The following XRN2 variants were observed in gnomAD, a reference collection of about 807,000 sequenced individuals.
The protein encoded by XRN2 is DHM1-like protein.
XRN2 carries 44 observed loss-of-function variants against 138.5 expected under a neutral mutation model. That is an observed-to-expected ratio of 0.32 (90% CI 0.25 to 0.41). The LOEUF (loss-of-function observed/expected upper bound fraction) is 0.41. XRN2 is among the 10% of genes least tolerant of loss of function. The probability of loss-of-function intolerance (pLI) is 1.00; values close to 1 mark genes in which losing one functional copy is unlikely to be tolerated. For missense variants in XRN2, 937 were observed against 1,169.3 expected, an observed-to-expected ratio of 0.80 and a Z score of 2.90; for synonymous variants, 354 against 369.4, an observed-to-expected ratio of 0.96 and a Z score of 0.48.
intron 1 of XRN2, among the ~76,000 whole-genome samples, chr20:21,311,797 GGACAACATGGT>G (rs1169448600): frequency 6.6e-6 from 1 of 152,014 alleles, no homozygotes; most frequent in African/African-American, 2.4e-5. Flanking sequence ...AGAGCAGCCT[GGACAACATGGT>G]GAAACCTCGT....
Position 21,386,851 on chromosome 20 carries a change from C to T in XRN2, c.2649-17C>T. 1 of 1,603,736 alleles carries T rather than the reference C, an allele frequency of 6.2e-7. No homozygotes were observed. The highest frequency in any genetic ancestry group is 8.5e-7 in the Non-Finnish European group (1 of 1,171,640). Reference sequence around the variant, plus strand: ...AATAGGTGTGGCTTCTGATGTAAAACTGGTACTTTCCTACAGAGGCGTTGG... The same window carrying T: ...AATAGGTGTGGCTTCTGATGTAAAATTGGTACTTTCCTACAGAGGCGTTGG... On this transcript the variant is annotated splice_polypyrimidine_tract_variant and intron_variant, in intron 28 of 29. Coordinates refer to ENST00000377191, the MANE Select transcript of XRN2 (RefSeq NM_012255.5).
intron 27 of XRN2, among the ~76,000 whole-genome samples, chr20:21,381,430 T>C (rs1290637844): frequency 6.6e-6 from 1 of 152,222 alleles, no homozygotes; most frequent in African/African-American, 2.4e-5. Flanking sequence ...AGTTCAGCTT[T>C]GCGTTACAAG....
chr20:21,366,872 G>A (rs982518087), intron 26 of XRN2, among the ~76,000 whole-genome samples: 10 of 152,144 alleles, frequency 6.6e-5, no homozygotes, highest in Admixed American at 5.9e-4. Flanking sequence ...ATTGCTATAT[G>A]TGTTGCATGA....
chr20:21,366,287 C>T (rs1181064121), intron 26 of XRN2, among the ~76,000 whole-genome samples: 1 of 144,694 alleles, frequency 6.9e-6, no homozygotes, highest in Admixed American at 7.1e-5. Flanking sequence ...GTGGCTCGCT[C>T]CTGTAATCCC....
chr20:21,358,972 CG>C (rs1356853022), intron 24 of XRN2, among the ~76,000 whole-genome samples: 1 of 152,156 alleles, frequency 6.6e-6, no homozygotes. Flanking sequence ...ATTAATTCCA[CG>C]GTTCTCTCTT....
At chr20:21,338,276 T>C (rs560551245) in intron 13 of XRN2, among the ~76,000 whole-genome samples, 2 of 152,186 alleles carry the variant, frequency 1.3e-5, no homozygotes, top group African/African-American at 4.8e-5. Context: ...TTGGGCATGG[T>C]TATGGGAGGC....
At chr20:21,371,545 A>G (rs562635620) in intron 27 of XRN2, among the ~76,000 whole-genome samples, 1 of 152,358 alleles carries the variant, frequency 6.6e-6, no homozygotes, top group South Asian at 2.1e-4. Context: ...CCATGTATTC[A>G]GTATCAAGTC....
intron 14 of XRN2, among the ~76,000 whole-genome samples, chr20:21,340,322 T>A (rs1250338557): frequency 6.6e-6 from 1 of 152,152 alleles, no homozygotes; most frequent in African/African-American, 2.4e-5. Context: ...TTTAAAAAGT[T>A]GTATTTCCTA....
chr20:21,370,206 T>C (rs962037344), intron 27 of XRN2, among the ~76,000 whole-genome samples: 1 of 152,186 alleles, frequency 6.6e-6, no homozygotes, highest in Admixed American at 6.5e-5. Context: ...TTGTATTCCA[T>C]TGGTCTGTTA....
chr20:21,389,444 T>C lies in XRN2; in HGVS notation c.*106T>C. 1 of 1,021,556 alleles carries C rather than the reference T, an allele frequency of 9.8e-7. No individual in the cohort carries two copies. The highest frequency in any genetic ancestry group is 1.6e-5 in the South Asian group (1 of 60,934). 63.3% of individuals were successfully genotyped at this position (1,021,556 alleles called of 1,614,324 possible). On this transcript the variant is annotated 3_prime_UTR_variant, in exon 30 of 30. Transcript: ENST00000377191. ...AGTTTTTAATAAAACTACAGTACTTTGTGTATTTCTTTTAACTGTGTATAT... is the reference window on the plus strand; with the variant it reads ...AGTTTTTAATAAAACTACAGTACTTCGTGTATTTCTTTTAACTGTGTATAT...
chr20:21,311,576 T>C (rs2037881311), intron 1 of XRN2, among the ~76,000 whole-genome samples: 3 of 152,244 alleles, frequency 2.0e-5, no homozygotes, highest in African/African-American at 4.8e-5. Context: ...CTTTTGAGTA[T>C]GTACCTGTGA....
intron 19 of XRN2, 64 bp downstream of exon 19, chr20:21,348,494 T>TA: frequency 1.4e-6 from 2 of 1,451,498 alleles, no homozygotes; most frequent in South Asian, 1.2e-5. Context: ...TCATATCAGT[T>TA]ACAATTGCTT....
At position 21,333,724 on chromosome 20, in the gene XRN2, A is replaced by G. The variant is rs1192118076; in HGVS notation, c.954A>G (p.Thr318=). 1.9e-6 allele frequency: 3 copies of G among 1,614,098 alleles called. No individual in the cohort carries two copies. The highest frequency in any genetic ancestry group is 2.5e-6 in the Non-Finnish European group (3 of 1,179,996). Reference sequence around the variant, plus strand: ...TGTAGTATTTGGAAAGAGAACTCACAATGGCCAGCCTACCATTCACATTTG... The same window carrying G: ...TGTAGTATTTGGAAAGAGAACTCACGATGGCCAGCCTACCATTCACATTTG... The part of the protein sequence containing the change: ...VLREYLEREL[T]MASLPFTFDV... The change falls in exon 11 of 30, where the codon ACA becomes ACG. Residue 318 remains threonine, a synonymous_variant. Transcript: ENST00000377191.
intron 17 of XRN2, among the ~76,000 whole-genome samples, chr20:21,347,897 A>G (rs1555785816): frequency 6.6e-6 from 1 of 152,228 alleles, no homozygotes; most frequent in Non-Finnish European, 1.5e-5. Context: ...GTTTGGCAGT[A>G]ACTACTGATT....
At position 21,332,312 on chromosome 20, in the gene XRN2, C is replaced by A; in HGVS notation, c.730C>A (p.His244Asn). 1 of 1,613,296 alleles carries A rather than the reference C, an allele frequency of 6.2e-7. No homozygotes were observed. Residue 244 changes from histidine (H) to asparagine (N), a missense_variant, in exon 9 of 30, where the codon CAT becomes AAT. Coordinates refer to ENST00000377191, the MANE Select transcript of XRN2 (RefSeq NM_012255.5). ...ADLIMLGLAT[H>N]EPNFTIIREE... ...TCTCATTATGCTTGGCCTTGCCACA[C>A]ATGAACCGAACTTTACCATTATTAG...
chr20:21,377,576 T>C (rs992067203), intron 27 of XRN2, among the ~76,000 whole-genome samples: 1 of 151,902 alleles, frequency 6.6e-6, no homozygotes, highest in African/African-American at 2.4e-5. Flanking sequence ...TTTTTTTCTT[T>C]TAGTTTACTG....
chr20:21,356,566 A>G lies in XRN2; in HGVS notation c.2119-20A>G. The stretch of plus-strand genomic sequence containing the variant: ...TTTTCCATTCTTTGCATATGAGATC[A>G]GGAATGCATTTTTCCACAGCCAGTG... On this transcript the variant is annotated intron_variant, in intron 22 of 29. Coordinates refer to ENST00000377191, the MANE Select transcript of XRN2 (RefSeq NM_012255.5). 6.2e-7 allele frequency: 1 copy of G among 1,608,200 alleles called. No homozygotes were observed. The highest frequency in any genetic ancestry group is 2.2e-5 in the East Asian group (1 of 44,836).
At chr20:21,341,511 A>G (rs2038371700) in intron 15 of XRN2, among the ~76,000 whole-genome samples, 1 of 152,112 alleles carries the variant, frequency 6.6e-6, no homozygotes, top group Non-Finnish European at 1.5e-5. Context: ...CCAGAAGCAA[A>G]TCAACCTATC....
chr20:21,349,808 G>A (rs956356821), intron 20 of XRN2, among the ~76,000 whole-genome samples: 1 of 152,160 alleles, frequency 6.6e-6, no homozygotes, highest in Non-Finnish European at 1.5e-5. Flanking sequence ...TATGTGAAAT[G>A]TTGATATTTC....
Sources: gnomAD v4.1 joint callset for allele counts (sites outside exome capture counted in the v4.1 genomes callset) on GRCh38, gnomAD v4.1.1 for gene constraint, MANE v1.5 for transcripts, NCBI Gene and HGNC (gene_info 2026-07-23, HGNC 2026-07-21) for gene names.